The following LGSN variants were observed in gnomAD, a reference collection of about 807,000 sequenced individuals.
LGSN encodes the protein lengsin.
A neutral mutation model predicts 19.5 loss-of-function variants in LGSN; 21 were observed. The ratio of observed to expected loss-of-function variants is 1.07; its 90% CI spans 0.76 to 1.55. LGSN has a LOEUF of 1.55. Ranked by LOEUF, LGSN falls within the 40% of genes most tolerant of loss-of-function variation. The probability of loss-of-function intolerance (pLI) is 0.00; values close to 1 mark genes in which losing one functional copy is unlikely to be tolerated. For synonymous variants in LGSN, 257 were observed against 215.6 expected (o/e 1.19, Z -1.68); for missense variants, 673 against 608.5 (o/e 1.11, Z -1.12).
At chr6:63,498,479 C>T in the LGSN span, among the ~76,000 whole-genome samples, 6 of 152,116 alleles carry the variant, frequency 3.9e-5, no homozygotes, top group African/African-American at 4.8e-5. Context: ...TTTCTATTGG[C>T]TCCCATTGGA....
chr6:63,403,592 T>C, the LGSN span, among the ~76,000 whole-genome samples: 1 of 151,638 alleles, frequency 6.6e-6, no homozygotes, highest in Non-Finnish European at 1.5e-5. Flanking sequence ...CACCAAAAAA[T>C]AGTTTCGGGG....
chr6:63,316,280 G>A (rs1341983337), intron 1 of LGSN, among the ~76,000 whole-genome samples: 1 of 152,146 alleles, frequency 6.6e-6, no homozygotes, highest in Non-Finnish European at 1.5e-5. Context: ...GTATCAGAAT[G>A]TAAATGATAT....
chr6:63,326,968 C>T, the LGSN span, among the ~76,000 whole-genome samples: 1 of 152,238 alleles, frequency 6.6e-6, no homozygotes, highest in Non-Finnish European at 1.5e-5. Flanking sequence ...AGAGGAGGCG[C>T]CGAGAGCGAG....
At chr6:63,344,343 A>G in the LGSN span, among the ~76,000 whole-genome samples, 1 of 152,214 alleles carries the variant, frequency 6.6e-6, no homozygotes, top group Non-Finnish European at 1.5e-5. Flanking sequence ...TCAAATCCAA[A>G]ACTATCTATC....
At chr6:63,388,287 G>A in the LGSN span, among the ~76,000 whole-genome samples, 3 of 152,118 alleles carry the variant, frequency 2.0e-5, no homozygotes, top group African/African-American at 7.2e-5. Context: ...TCACAAGGTA[G>A]GCAGTTGGAC....
At chr6:63,457,887 A>T in the LGSN span, among the ~76,000 whole-genome samples, 69,576 of 151,806 alleles carry the variant, frequency 0.46, 17,730 homozygotes, top group Non-Finnish European at 0.56. Flanking sequence ...TCAAATAAAT[A>T]AATTAATTAA....
At chr6:63,348,915 G>A in the LGSN span, among the ~76,000 whole-genome samples, 7 of 152,074 alleles carry the variant, frequency 4.6e-5, no homozygotes, top group African/African-American at 7.2e-5. Context: ...TTAAAACTAC[G>A]TAGTAAAGGC....
the LGSN span, among the ~76,000 whole-genome samples, chr6:63,529,455 T>C: frequency 1.3e-5 from 2 of 152,148 alleles, no homozygotes; most frequent in Non-Finnish European, 2.9e-5. Context: ...ACTTTGCTTC[T>C]CTCACTCCTG....
At chr6:63,562,285 C>T in the LGSN span, among the ~76,000 whole-genome samples, 1 of 150,670 alleles carries the variant, frequency 6.6e-6, no homozygotes, top group East Asian at 2.0e-4. Flanking sequence ...CCACAACCTT[C>T]GCCTCCCGGG....
the LGSN span, among the ~76,000 whole-genome samples, chr6:63,438,953 A>C: frequency 2.0e-5 from 3 of 152,200 alleles, no homozygotes; most frequent in Non-Finnish European, 4.4e-5. Flanking sequence ...TGGGACCAAC[A>C]CAAATGTCCA....
the LGSN span, among the ~76,000 whole-genome samples, chr6:63,527,309 C>T: frequency 7.2e-5 from 11 of 152,274 alleles, no homozygotes; most frequent in Admixed American, 2.0e-4. Context: ...TTTATAAACT[C>T]TTTAAAGACA....
At chr6:63,509,790 A>G in the LGSN span, among the ~76,000 whole-genome samples, 1 of 152,242 alleles carries the variant, frequency 6.6e-6, no homozygotes, top group Non-Finnish European at 1.5e-5. Context: ...AAATGCAGAA[A>G]CTAAACAGTA....
chr6:63,294,356 A>G (rs974381670), intron 2 of LGSN, among the ~76,000 whole-genome samples: 1 of 151,926 alleles, frequency 6.6e-6, no homozygotes, highest in African/African-American at 2.4e-5. Context: ...TTAATTAATT[A>G]AAAATAAATA....
the LGSN span, among the ~76,000 whole-genome samples, chr6:63,478,815 G>C: frequency 6.6e-6 from 1 of 152,274 alleles, no homozygotes; most frequent in Admixed American, 6.5e-5. Context: ...GTGCTTTAAG[G>C]TTGGTTTGAT....
chr6:63,566,581 C>T, the LGSN span, among the ~76,000 whole-genome samples: 2 of 152,146 alleles, frequency 1.3e-5, no homozygotes, highest in Non-Finnish European at 2.9e-5. Flanking sequence ...TTTAAAAATA[C>T]TTTTGCTAAA....
At chr6:63,321,194 G>C (rs1582057858), upstream of LGSN, among the ~76,000 whole-genome samples, 2 of 152,120 alleles carry the variant, frequency 1.3e-5, no homozygotes, top group African/African-American at 4.8e-5. Flanking sequence ...TTGTACCAGA[G>C]CCTTACCTAA....
At chr6:63,389,524 C>T in the LGSN span, among the ~76,000 whole-genome samples, 1 of 152,144 alleles carries the variant, frequency 6.6e-6, no homozygotes, top group African/African-American at 2.4e-5. Context: ...AAGAAGAGAA[C>T]AAAAGAGAAA....
At chr6:63,480,982 TATATAC>T in the LGSN span, among the ~76,000 whole-genome samples, 2 of 39,112 alleles carry the variant, frequency 5.1e-5, no homozygotes, top group African/African-American at 1.0e-4. Flanking sequence ...TATATATATA[TATATAC>T]ACACACACAT....
the LGSN span, among the ~76,000 whole-genome samples, chr6:63,541,685 G>A: frequency 3.9e-5 from 6 of 152,174 alleles, no homozygotes; most frequent in South Asian, 6.2e-4. Flanking sequence ...GCAATTAGAA[G>A]CAATCAGAAG....
Sources: allele counts gnomAD v4.1 joint callset (sites outside exome capture counted in the v4.1 genomes callset), GRCh38; gene constraint gnomAD v4.1.1; transcripts MANE v1.5; gene names NCBI Gene and HGNC (gene_info 2026-07-23, HGNC 2026-07-21).